The following PDSS2 variants were observed in gnomAD, a reference collection of about 807,000 sequenced individuals.
The protein encoded by PDSS2 is decaprenyl diphosphate synthase subunit 2, also known as all trans-polyprenyl-diphosphate synthase PDSS2.
In PDSS2, 31 loss-of-function variants were observed where a neutral mutation model predicts 44.5. The observed-to-expected ratio is 0.70, with a 90% confidence interval of 0.52 to 0.94. The LOEUF is 0.94. Ranked by LOEUF, PDSS2 falls within the 40% of genes least tolerant of loss-of-function variation. The pLI is 0.00. For synonymous variants in PDSS2, 157 were observed against 180.3 expected (o/e 0.87, Z 1.03); for missense variants, 452 against 482.2 (o/e 0.94, Z 0.59).
At chr6:107,377,955 G>A (rs924567280) in intron 1 of PDSS2, among the ~76,000 whole-genome samples, 45 of 151,706 alleles carry the variant, frequency 3.0e-4, no homozygotes, top group Middle Eastern at 6.8e-3. Flanking sequence ...GTTAATGGGT[G>A]CAGCACACCA....
chr6:107,310,203 T>C lies in PDSS2; in HGVS notation c.431+23995A>G, dbSNP rs1228581962. Among the ~76,000 whole-genome samples, 4 of 149,702 alleles carry C rather than the reference T, an allele frequency of 2.7e-5. No homozygotes were observed. In the Admixed American group the frequency reaches 2.7e-4, roughly 10 times the overall value. ...GGGAGGCTGAGGCAGGAGAATCACT[T>C]GAACCTGGGAGGCGGAGCTTACAGT... On this transcript the variant is annotated intron_variant, in intron 2 of 7. Transcript: ENST00000369037.
At chr6:107,295,408 G>C (rs1253231420) in intron 2 of PDSS2, among the ~76,000 whole-genome samples, 1 of 152,164 alleles carries the variant, frequency 6.6e-6, no homozygotes, top group African/African-American at 2.4e-5. Flanking sequence ...ATTGATCGCT[G>C]AATTCAACCC....
chr6:107,362,306 C>T (rs1778804649), intron 1 of PDSS2, among the ~76,000 whole-genome samples: 2 of 152,124 alleles, frequency 1.3e-5, no homozygotes, highest in South Asian at 4.2e-4. Context: ...TGAATGTGCT[C>T]CGAAGCTCAC....
chr6:107,205,114 G>C (rs927041070), intron 6 of PDSS2, among the ~76,000 whole-genome samples: 1 of 152,142 alleles, frequency 6.6e-6, no homozygotes, highest in African/African-American at 2.4e-5. Flanking sequence ...TTAAGAATAG[G>C]CATGTGTTAT....
At chr6:107,194,463 AT>A (rs1278023237) in intron 6 of PDSS2, among the ~76,000 whole-genome samples, 1 of 152,200 alleles carries the variant, frequency 6.6e-6, no homozygotes, top group Non-Finnish European at 1.5e-5. Flanking sequence ...TAGCTGTTTT[AT>A]AAAATCCCTT....
intron 4 of PDSS2, among the ~76,000 whole-genome samples, chr6:107,233,364 T>G (rs1348854173): frequency 5.9e-5 from 9 of 152,208 alleles, no homozygotes; most frequent in African/African-American, 2.2e-4. Context: ...CTGTGTTCTT[T>G]ATTGCTTTGT....
intron 1 of PDSS2, among the ~76,000 whole-genome samples, chr6:107,458,412 C>CAAAAAAAAGAAAAAAA (rs1782121269): frequency 1.3e-5 from 1 of 78,182 alleles, no homozygotes; most frequent in Non-Finnish European, 2.5e-5. Context: ...GACTCCGTCT[C>CAAAAAAAAGAAAAAAA]AAAAAAAAAA....
chr6:107,242,430 A>AT (rs1414797862), intron 4 of PDSS2, among the ~76,000 whole-genome samples: 1 of 151,772 alleles, frequency 6.6e-6, no homozygotes, highest in Non-Finnish European at 1.5e-5. Flanking sequence ...TGCCCGCCTA[A>AT]TTTTTTTATA....
At chr6:107,374,689 C>A (rs912887923) in intron 1 of PDSS2, among the ~76,000 whole-genome samples, 7 of 152,160 alleles carry the variant, frequency 4.6e-5, no homozygotes, top group African/African-American at 1.7e-4. Flanking sequence ...GGACGTAAAC[C>A]CTTTTCACAG....
chr6:107,370,227 G>A (rs1235135955), intron 1 of PDSS2, among the ~76,000 whole-genome samples: 1 of 152,130 alleles, frequency 6.6e-6, no homozygotes, highest in African/African-American at 2.4e-5. Context: ...ACACTTTACC[G>A]AATCATCATT....
At chr6:107,278,463 C>T (rs1271728532) in intron 2 of PDSS2, among the ~76,000 whole-genome samples, 1 of 152,082 alleles carries the variant, frequency 6.6e-6, no homozygotes, top group Non-Finnish European at 1.5e-5. Context: ...GTTTACAAAA[C>T]CATTCACTGA....
chr6:107,427,746 C>G (rs530295731), intron 1 of PDSS2, among the ~76,000 whole-genome samples: 1 of 152,112 alleles, frequency 6.6e-6, no homozygotes, highest in South Asian at 2.1e-4. Context: ...TTTGGAGGTT[C>G]CAGAATTTAA....
intron 2 of PDSS2, among the ~76,000 whole-genome samples, chr6:107,332,408 T>A (rs1777741230): frequency 6.6e-6 from 1 of 152,186 alleles, no homozygotes; most frequent in Admixed American, 6.5e-5. Context: ...ACCTGGCCTG[T>A]AAGGTAAACT....
At chr6:107,254,295 G>C (rs2114845852) in intron 3 of PDSS2, among the ~76,000 whole-genome samples, 1 of 152,022 alleles carries the variant, frequency 6.6e-6, no homozygotes, top group South Asian at 2.1e-4. Context: ...GCTTCCCAAA[G>C]TGGTGGGATT....
chr6:107,207,766 T>C (rs1222495646), intron 6 of PDSS2, among the ~76,000 whole-genome samples: 2 of 151,184 alleles, frequency 1.3e-5, no homozygotes, highest in South Asian at 2.1e-4. Flanking sequence ...CGGGCCACCA[T>C]GCCTGGCTAA....
chr6:107,195,593 C>T (rs1035156061), intron 6 of PDSS2, among the ~76,000 whole-genome samples: 1 of 134,980 alleles, frequency 7.4e-6, no homozygotes, highest in African/African-American at 2.7e-5. Flanking sequence ...TGCAGTCTTG[C>T]TCTGTCGTCC....
At chr6:107,210,964 C>T (rs2114627634) in intron 5 of PDSS2, among the ~76,000 whole-genome samples, 1 of 151,254 alleles carries the variant, frequency 6.6e-6, no homozygotes, top group East Asian at 1.9e-4. Flanking sequence ...CCACTGCACT[C>T]CCCTCTGGGC....
intron 1 of PDSS2, among the ~76,000 whole-genome samples, chr6:107,350,327 G>A (rs1023496839): frequency 2.0e-5 from 3 of 152,286 alleles, no homozygotes; most frequent in African/African-American, 7.2e-5. Context: ...CAGGAAAAAC[G>A]TTGGTGGGTA....
At chr6:107,176,222 A>C (rs1771778907) in intron 7 of PDSS2, among the ~76,000 whole-genome samples, 1 of 151,978 alleles carries the variant, frequency 6.6e-6, no homozygotes. Context: ...TTGTATTTTT[A>C]GTAGAGACGG....
Sources: allele counts gnomAD v4.1 joint callset (sites outside exome capture counted in the v4.1 genomes callset), GRCh38; gene constraint gnomAD v4.1.1; transcripts MANE v1.5; gene names NCBI Gene and HGNC (gene_info 2026-07-23, HGNC 2026-07-21).